Variants in UBXN7 observed in about 807,000 individuals in gnomAD.
UBXN7 encodes the protein UBX domain protein 7, also known as UBX domain-containing protein 7.
UBXN7 carries 9 observed loss-of-function variants against 58.0 expected under a neutral mutation model. The observed-to-expected ratio is 0.16, with a 90% confidence interval of 0.09 to 0.27. The LOEUF (loss-of-function observed/expected upper bound fraction) is 0.27. Among genes scored for constraint, UBXN7 ranks in the 10% least tolerant of loss-of-function variants. UBXN7 has a pLI of 1.00. For missense variants in UBXN7, 328 were observed against 599.6 expected, an observed-to-expected ratio of 0.55 and a Z score of 4.73; for synonymous variants, 208 against 205.0, an observed-to-expected ratio of 1.01 and a Z score of -0.12.
rs1484549155 is a variant in UBXN7 at position 196,407,529 on chromosome 3, TAC to T, written c.74-138_74-137del. The stretch of plus-strand genomic sequence containing the variant: ...TAGAATGAATGACTTTCTTGTGAAA[TAC>T]ACAGAGCTAGAAAAAAATGTAGACA... On this transcript the variant is annotated intron_variant, in intron 1 of 10. Transcript: ENST00000296328. 1.7e-5 allele frequency: 22 copies of T among 1,264,650 alleles called. No homozygotes were observed. In the South Asian group the frequency reaches 3.4e-4, roughly 20 times the overall value. 78.3% of individuals were successfully genotyped at this position (1,264,650 alleles called of 1,614,324 possible).
chr3:196,402,469 T>C lies in UBXN7; in HGVS notation c.289+483A>G, dbSNP rs370841831. Among the ~76,000 whole-genome samples the C allele has an allele frequency of 3.3e-5, 5 of 152,198 alleles. No homozygotes were observed. In the South Asian group the frequency reaches 8.3e-4, roughly 25 times the overall value. On this transcript the variant is annotated intron_variant, in intron 3 of 10. Transcript: ENST00000296328. ...CTTTGGCTTACAAAAGGGAAATAAA[T>C]GCTTAACGATAAATTAATCTGATTA...
intron 2 of UBXN7, among the ~76,000 whole-genome samples, chr3:196,403,458 G>A (rs368187014): frequency 9.9e-5 from 15 of 152,220 alleles, no homozygotes; most frequent in Middle Eastern, 3.4e-3. Flanking sequence ...TACTGCATCC[G>A]GCTGATAAAT....
At position 196,356,678 on chromosome 3, in the gene UBXN7, C is replaced by T; in HGVS notation, c.*7G>A. The T allele has an allele frequency of 6.3e-7, 1 of 1,593,012 alleles. No homozygotes were observed. The highest frequency in any genetic ancestry group is 8.5e-7 in the Non-Finnish European group (1 of 1,174,570). On this transcript the variant is annotated 3_prime_UTR_variant, in exon 11 of 11. Coordinates refer to ENST00000296328, the MANE Select transcript of UBXN7 (RefSeq NM_015562.2). ...AGGGGTAAGCTGAGAGAGGTCAAGCCATGGTGTTAATTTCTTTCCTGTACA... is the reference window on the plus strand; with the variant it reads ...AGGGGTAAGCTGAGAGAGGTCAAGCTATGGTGTTAATTTCTTTCCTGTACA...
At chr3:196,420,123 G>A (rs931918493) in intron 1 of UBXN7, among the ~76,000 whole-genome samples, 12 of 152,182 alleles carry the variant, frequency 7.9e-5, no homozygotes, top group Admixed American at 2.0e-4. Context: ...CAGCTGTAAA[G>A]AATTTGGACT....
intron 5 of UBXN7, among the ~76,000 whole-genome samples, chr3:196,381,647 T>G (rs866751538): frequency 7.9e-5 from 12 of 152,228 alleles, no homozygotes; most frequent in Non-Finnish European, 1.6e-4. Context: ...CTTTGACAAG[T>G]TGACAGAAGT....
At chr3:196,384,690 C>T (rs149883692) in intron 5 of UBXN7, among the ~76,000 whole-genome samples, 151 of 152,110 alleles carry the variant, frequency 9.9e-4, no homozygotes, top group African/African-American at 2.6e-3. Context: ...ACAGAACCAA[C>T]GACAAAAACC....
At chr3:196,364,779 C>T (rs185780214) in intron 8 of UBXN7, among the ~76,000 whole-genome samples, 152 of 151,628 alleles carry the variant, frequency 1.0e-3, no homozygotes, top group African/African-American at 3.3e-3. Context: ...TCACTACTAT[C>T]TCCACCTGCC....
At chr3:196,421,793 G>A (rs1306711508) in intron 1 of UBXN7, among the ~76,000 whole-genome samples, 2 of 150,152 alleles carry the variant, frequency 1.3e-5, no homozygotes, top group African/African-American at 2.5e-5. Context: ...AAAAAAAAAA[G>A]ATTTATAGAT....
chr3:196,368,865 C>G (rs1224196458), intron 7 of UBXN7, among the ~76,000 whole-genome samples: 1 of 152,074 alleles, frequency 6.6e-6, no homozygotes, highest in Non-Finnish European at 1.5e-5. Flanking sequence ...CTCTGTTGCC[C>G]AGGCTGGAGT....
intron 6 of UBXN7, among the ~76,000 whole-genome samples, chr3:196,371,009 G>A (rs2108832764): frequency 6.6e-6 from 1 of 152,226 alleles, no homozygotes; most frequent in East Asian, 1.9e-4. Flanking sequence ...GGGTGACAGA[G>A]CAAAACCCTG....
intron 1 of UBXN7, among the ~76,000 whole-genome samples, chr3:196,425,512 CT>C (rs1237795595): frequency 7.9e-5 from 12 of 152,138 alleles, no homozygotes; most frequent in African/African-American, 2.7e-4. Flanking sequence ...CCACCTCAGC[CT>C]CCCAAAGTGC....
chr3:196,372,911 A>C (rs983781212), intron 5 of UBXN7, among the ~76,000 whole-genome samples: 2 of 150,304 alleles, frequency 1.3e-5, no homozygotes, highest in African/African-American at 2.4e-5. Context: ...ATGCCTGACT[A>C]ATTTTTTATA....
chr3:196,370,127 C>CAAA lies in UBXN7; in HGVS notation c.616-619_616-617dup, dbSNP rs368855542. Among the ~76,000 whole-genome samples the CAAA allele has an allele frequency of 2.9e-4, 21 of 73,330 alleles. 1 individual carries two copies. Among genetic ancestry groups the CAAA allele is most frequent in the East Asian group, 1.0e-3 (2 of 1,964 alleles). The allele number at this position is 73,330 out of a possible 152,430, so 48.1% of individuals were successfully genotyped here. ...CCCAGCGACAATGCAAGACTTGTCT[C>CAAA]AAAAAAAAAAAAAAAAAAAAAAGAT... is the stretch of plus-strand genomic sequence containing the variant. On this transcript the variant is annotated intron_variant, in intron 6 of 10. Coordinates refer to ENST00000296328, the MANE Select transcript of UBXN7 (RefSeq NM_015562.2).
At chr3:196,398,610 T>A (rs1010316066) in intron 3 of UBXN7, among the ~76,000 whole-genome samples, 4 of 152,210 alleles carry the variant, frequency 2.6e-5, no homozygotes, top group Non-Finnish European at 4.4e-5. Context: ...TTTTCTAAAA[T>A]CCTGTTTTTT....
chr3:196,374,155 C>A (rs111948454), intron 5 of UBXN7, among the ~76,000 whole-genome samples: 1 of 152,010 alleles, frequency 6.6e-6, no homozygotes, highest in Non-Finnish European at 1.5e-5. Context: ...TAGACTAGAG[C>A]GCACATATTC....
At chr3:196,377,045 CAAA>C (rs1159006266) in intron 5 of UBXN7, among the ~76,000 whole-genome samples, 12 of 69,294 alleles carry the variant, frequency 1.7e-4, no homozygotes, top group Middle Eastern at 0.011. Flanking sequence ...GACTCTGTCT[CAAA>C]AAAAAAAAAA....
Position 196,356,565 on chromosome 3 carries a change from G to T in UBXN7, c.*120C>A. On this transcript the variant is annotated 3_prime_UTR_variant, in exon 11 of 11. Coordinates refer to ENST00000296328, the MANE Select transcript of UBXN7 (RefSeq NM_015562.2). ...AGAGATCAAGAAATAAGAGAAGGAA[G>T]GTGACTTGCTTGCCCAACTTTGGCT... 9.7e-7 allele frequency: 1 copy of T among 1,033,568 alleles called. No homozygotes were observed. The highest frequency in any genetic ancestry group is 1.4e-6 in the Non-Finnish European group (1 of 714,724). 64.0% of individuals were successfully genotyped at this position (1,033,568 alleles called of 1,614,324 possible).
intron 5 of UBXN7, among the ~76,000 whole-genome samples, 162 bp from the exon 6 acceptor site, chr3:196,372,204 G>C (rs1048513005): frequency 6.6e-6 from 1 of 151,550 alleles, no homozygotes; most frequent in Non-Finnish European, 1.5e-5. Flanking sequence ...TATTTACTTC[G>C]CATATGCATT....
chr3:196,348,673 C>G lies in UBXN7; in HGVS notation c.*8012G>C, dbSNP rs1466286724. 1 of 152,090 alleles carries G rather than the reference C, an allele frequency of 6.6e-6. No homozygotes were observed. The highest frequency in any genetic ancestry group is 1.5e-5 in the Non-Finnish European group (1 of 68,032). The allele number at this position is 152,090 out of a possible 1,614,324, so 9.4% of individuals were successfully genotyped here. ...AACCCACCCTCATCATCCCTATCCC[C>G]CTAGAAATTTCATTCCTTGATTAAC... is the stretch of plus-strand genomic sequence containing the variant. On this transcript the variant is annotated 3_prime_UTR_variant, in exon 11 of 11. Coordinates refer to ENST00000296328, the MANE Select transcript of UBXN7 (RefSeq NM_015562.2).
Sources: gnomAD v4.1 joint callset for allele counts (sites outside exome capture counted in the v4.1 genomes callset) on GRCh38, gnomAD v4.1.1 for gene constraint, MANE v1.5 for transcripts, NCBI Gene and HGNC (gene_info 2026-07-23, HGNC 2026-07-21) for gene names.